Variants in CAMK2D observed in about 807,000 individuals in gnomAD.
The protein encoded by CAMK2D is calcium/calmodulin dependent protein kinase II delta, also known as calcium/calmodulin-dependent protein kinase type II subunit delta.
In CAMK2D, 37 loss-of-function variants were observed where a neutral mutation model predicts 84.0. The observed-to-expected ratio is 0.44, with a 90% CI of 0.34 to 0.58. The LOEUF (loss-of-function observed/expected upper bound fraction) is 0.58, where lower values mean the gene tolerates loss of function less well. Among genes scored for constraint, CAMK2D ranks in the 20% least tolerant of loss-of-function variants. The pLI is 0.02. For missense variants in CAMK2D, 448 were observed against 652.5 expected, an observed-to-expected ratio of 0.69 and a Z score of 3.41; for synonymous variants, 202 against 212.5, an observed-to-expected ratio of 0.95 and a Z score of 0.43.
intron 3 of CAMK2D, among the ~76,000 whole-genome samples, chr4:113,653,522 A>G (rs946398951): frequency 1.3e-5 from 2 of 152,060 alleles, no homozygotes; most frequent in African/African-American, 4.8e-5. Context: ...AGAACCATCA[A>G]TAAGGGAGAG....
At chr4:113,558,457 G>A (rs550656781) in intron 4 of CAMK2D, among the ~76,000 whole-genome samples, 2 of 152,172 alleles carry the variant, frequency 1.3e-5, no homozygotes, top group East Asian at 3.9e-4. Context: ...TTTGACAATG[G>A]CAGATTCAAC....
At chr4:113,482,104 G>A (rs2097707621) in intron 16 of CAMK2D, among the ~76,000 whole-genome samples, 1 of 152,208 alleles carries the variant, frequency 6.6e-6, no homozygotes, top group Non-Finnish European at 1.5e-5. Context: ...TACAGAGCAA[G>A]AGCAGCACAT....
chr4:113,758,605 C>T (rs1485971254), intron 2 of CAMK2D, among the ~76,000 whole-genome samples: 4 of 152,114 alleles, frequency 2.6e-5, no homozygotes, highest in Non-Finnish European at 5.9e-5. Context: ...AACATTTCAG[C>T]GTAAGTACTT....
intron 9 of CAMK2D, 113 bp downstream of exon 9, chr4:113,517,450 A>G: frequency 2.0e-6 from 1 of 507,260 alleles, no homozygotes. Context: ...GAGGGAAATA[A>G]TATGAGAAAG....
chr4:113,745,682 C>T (rs933573414), intron 2 of CAMK2D, among the ~76,000 whole-genome samples: 4 of 152,150 alleles, frequency 2.6e-5, no homozygotes, highest in Non-Finnish European at 5.9e-5. Flanking sequence ...AAGGTATTTG[C>T]AGAAAATAAG....
At position 113,761,269 on chromosome 4, in the gene CAMK2D, C is replaced by T; in HGVS notation, c.-201G>A. The T allele has an allele frequency of 6.9e-7, 1 of 1,440,976 alleles. No homozygotes were observed. The highest frequency in any genetic ancestry group is 9.1e-7 in the Non-Finnish European group (1 of 1,100,852). The allele number at this position is 1,440,976 out of a possible 1,614,324, so 89.3% of individuals were successfully genotyped here. On this transcript the variant is annotated 5_prime_UTR_variant, in exon 1 of 21. Coordinates refer to ENST00000511664, the MANE Select transcript of CAMK2D (RefSeq NM_001321571.2). ...GACCAGAAAGGGTGGCGTGGGGTCT[C>T]CTCCCCACAGTCCGCCGATCCTCCT...
At chr4:113,735,454 GAC>G (rs2099579129) in intron 2 of CAMK2D, among the ~76,000 whole-genome samples, 5 of 138,250 alleles carry the variant, frequency 3.6e-5, no homozygotes, top group Admixed American at 3.4e-4. Context: ...CAACCTGAGT[GAC>G]AGAGTGAGAC....
At chr4:113,612,653 A>G (rs1170543597) in intron 3 of CAMK2D, among the ~76,000 whole-genome samples, 1 of 152,234 alleles carries the variant, frequency 6.6e-6, no homozygotes. Context: ...TGAGAAAAAC[A>G]TTTGAGAAAA....
chr4:113,743,727 A>G (rs1447226189), intron 2 of CAMK2D, among the ~76,000 whole-genome samples: 2 of 152,010 alleles, frequency 1.3e-5, no homozygotes, highest in African/African-American at 4.8e-5. Context: ...TCTCTTCCTT[A>G]GTCTTTTTCC....
intron 4 of CAMK2D, among the ~76,000 whole-genome samples, chr4:113,561,489 A>G (rs942472280): frequency 2.6e-5 from 4 of 152,020 alleles, no homozygotes; most frequent in Non-Finnish European, 2.9e-5. Context: ...AACAAATAAA[A>G]AGGCTTACAA....
At chr4:113,604,202 T>C (rs927083808) in intron 4 of CAMK2D, among the ~76,000 whole-genome samples, 9 of 152,250 alleles carry the variant, frequency 5.9e-5, no homozygotes, top group Non-Finnish European at 7.4e-5. Context: ...TCGGAACTCA[T>C]TGGGTAAGTG....
At chr4:113,584,066 T>G (rs1448459439) in intron 4 of CAMK2D, among the ~76,000 whole-genome samples, 1 of 152,208 alleles carries the variant, frequency 6.6e-6, no homozygotes, top group Non-Finnish European at 1.5e-5. Flanking sequence ...AATATAAGAC[T>G]ATGCCTGGGT....
At chr4:113,472,567 T>C (rs1404885129) in intron 16 of CAMK2D, among the ~76,000 whole-genome samples, 1 of 152,232 alleles carries the variant, frequency 6.6e-6, no homozygotes, top group Non-Finnish European at 1.5e-5. Flanking sequence ...TTCAGTTGTT[T>C]AGATTTTGGA....
chr4:113,624,445 T>C (rs2099059334), intron 3 of CAMK2D, among the ~76,000 whole-genome samples: 1 of 152,212 alleles, frequency 6.6e-6, no homozygotes, highest in Admixed American at 6.6e-5. Flanking sequence ...CTTACATGCC[T>C]TAATCAGTTA....
At chr4:113,693,685 CT>C (rs1417690752) in intron 2 of CAMK2D, among the ~76,000 whole-genome samples, 3 of 152,124 alleles carry the variant, frequency 2.0e-5, no homozygotes, top group Non-Finnish European at 2.9e-5. Context: ...CTTAAAAGAT[CT>C]GCTGTGAAAT....
At chr4:113,714,973 G>C (rs1363721602) in intron 2 of CAMK2D, among the ~76,000 whole-genome samples, 1 of 152,016 alleles carries the variant, frequency 6.6e-6, no homozygotes, top group Non-Finnish European at 1.5e-5. Context: ...TTAATTTGGG[G>C]AGACTTGTCA....
chr4:113,508,282 T>C (rs1297970742), intron 13 of CAMK2D: 12 of 1,535,734 alleles, frequency 7.8e-6, no homozygotes, highest in Non-Finnish European at 8.8e-6. Flanking sequence ...AATTGACCAG[T>C]CAAAGAGAAA....
In CAMK2D at chr4:113,661,173, A is replaced by G. The variant is rs151278952; in HGVS notation, c.220+540T>C. 3.3e-4 allele frequency among the ~76,000 whole-genome samples: 51 copies of G among 152,328 alleles called. No individual in the cohort carries two copies. The East Asian group carries it at 9.1e-3, about 27-fold the overall frequency. On this transcript the variant is annotated intron_variant, in intron 3 of 20. Coordinates refer to ENST00000511664, the MANE Select transcript of CAMK2D (RefSeq NM_001321571.2). ...ATATTATTTTTTGAAGTGTTTATAC[A>G]TAATCACAACCTTTTGAAAAACTAT... is the stretch of plus-strand genomic sequence containing the variant.
intron 16 of CAMK2D, among the ~76,000 whole-genome samples, chr4:113,466,589 A>G (rs1403985396): frequency 6.6e-6 from 1 of 152,228 alleles, no homozygotes; most frequent in Non-Finnish European, 1.5e-5. Context: ...GAAGTGACAT[A>G]TGAATCAATA....
Sources: gnomAD v4.1 joint callset for allele counts (sites outside exome capture counted in the v4.1 genomes callset) on GRCh38, gnomAD v4.1.1 for gene constraint, MANE v1.5 for transcripts, NCBI Gene and HGNC (gene_info 2026-07-23, HGNC 2026-07-21) for gene names.